Variants in ROCK1 observed in about 807,000 individuals in gnomAD.
ROCK1 encodes Rho associated coiled-coil containing protein kinase 1, also known as rho-associated protein kinase 1.
In ROCK1, 36 loss-of-function variants were observed where a neutral mutation model predicts 196.8. That is an observed-to-expected ratio of 0.18 (90% confidence interval 0.14 to 0.24). The LOEUF is 0.24. ROCK1 is among the 10% of genes least tolerant of loss of function. The probability of loss-of-function intolerance (pLI) is 1.00; values close to 1 mark genes in which losing one functional copy is unlikely to be tolerated. For missense variants in ROCK1, 920 were observed against 1,562.0 expected (o/e 0.59, Z 6.93); for synonymous variants, 443 against 515.9 (o/e 0.86, Z 1.91).
At position 21,006,893 on chromosome 18, in the gene ROCK1, C is replaced by T. The variant is rs1247338813; in HGVS notation, c.1547-103G>A. On this transcript the variant is annotated intron_variant, in intron 14 of 32. Coordinates refer to ENST00000399799, the MANE Select transcript of ROCK1 (RefSeq NM_005406.3). ...ACATTTAGTCTTAGGCCATAATAGTCAGCTACATTAGGTCCACTCCCAAAG... is the reference window on the plus strand; with the variant it reads ...ACATTTAGTCTTAGGCCATAATAGTTAGCTACATTAGGTCCACTCCCAAAG... The T allele has an allele frequency of 1.2e-4, 96 of 785,062 alleles. 2 individuals are homozygous for T. In the Admixed American group the frequency reaches 3.0e-3, roughly 24 times the overall value. The allele number at this position is 785,062 out of a possible 1,614,324, so 48.6% of individuals were successfully genotyped here.
chr18:21,069,185 T>G (rs1306949360), intron 2 of ROCK1, among the ~76,000 whole-genome samples: 3 of 152,128 alleles, frequency 2.0e-5, no homozygotes, highest in African/African-American at 7.2e-5. Flanking sequence ...ATATTAAATT[T>G]TATCAAATGC....
chr18:20,978,270 A>G (rs2035498644), intron 22 of ROCK1, among the ~76,000 whole-genome samples: 1 of 152,144 alleles, frequency 6.6e-6, no homozygotes, highest in Admixed American at 6.5e-5. Flanking sequence ...TAATGTATTA[A>G]GGATCTAACA....
At position 20,950,939 on chromosome 18, in the gene ROCK1, A is replaced by C. The variant is rs576414664; in HGVS notation, c.*445T>G. On this transcript the variant is annotated 3_prime_UTR_variant, in exon 33 of 33. Coordinates refer to ENST00000399799, the MANE Select transcript of ROCK1 (RefSeq NM_005406.3). ...CAAAAACTTAAGTCATTAAAAAAAA[A>C]ACAAAACTTCAGTTTGTCTCATTTT... The C allele has an allele frequency of 6.5e-6, 1 of 153,658 alleles. No individual in the cohort carries two copies. The highest frequency in any genetic ancestry group is 2.4e-5 in the African/African-American group (1 of 41,394). The allele number at this position is 153,658 out of a possible 1,614,324, so 9.5% of individuals were successfully genotyped here. A position where few individuals can be genotyped will look rare whatever the true frequency, so the allele number is the denominator to read the frequency against.
intron 13 of ROCK1, among the ~76,000 whole-genome samples, chr18:21,010,676 G>A (rs1392954177): frequency 6.6e-6 from 1 of 152,170 alleles, no homozygotes; most frequent in Non-Finnish European, 1.5e-5. Flanking sequence ...TGAAAAGAAG[G>A]CATATTGTGC....
intron 1 of ROCK1, among the ~76,000 whole-genome samples, chr18:21,092,580 TA>T (rs35799573): frequency 3.0e-3 from 244 of 81,106 alleles, no homozygotes; most frequent in Non-Finnish European, 3.9e-3. Flanking sequence ...ACCTCATCTT[TA>T]AAAAAAAAAA....
chr18:21,083,335 AT>A (rs563252131), intron 1 of ROCK1, among the ~76,000 whole-genome samples: 111 of 152,312 alleles, frequency 7.3e-4, no homozygotes, highest in African/African-American at 2.5e-3. Context: ...TCATCCTAAA[AT>A]TCAAATGTAA....
At chr18:21,008,816 G>T (rs2035790641) in intron 13 of ROCK1, among the ~76,000 whole-genome samples, 1 of 152,144 alleles carries the variant, frequency 6.6e-6, no homozygotes, top group African/African-American at 2.4e-5. Context: ...AAAGAAAGTT[G>T]CAAAGATAGT....
chr18:21,006,843 C>T (rs1408468743), intron 14 of ROCK1, 53 bp from the exon 15 acceptor site: 15 of 1,207,336 alleles, frequency 1.2e-5, no homozygotes, highest in Non-Finnish European at 1.6e-5. Flanking sequence ...ATAGGGGAAA[C>T]ATATAAATCC....
At chr18:20,980,890 T>C (rs1254256217) in intron 21 of ROCK1, among the ~76,000 whole-genome samples, 2 of 134,732 alleles carry the variant, frequency 1.5e-5, no homozygotes, top group Non-Finnish European at 1.5e-5. Flanking sequence ...CTCTCCAGCC[T>C]GGGCGACAGA....
chr18:21,046,498 C>G (rs145761620), intron 4 of ROCK1, among the ~76,000 whole-genome samples: 99 of 152,266 alleles, frequency 6.5e-4, no homozygotes, highest in African/African-American at 2.3e-3. Context: ...CTTAGTGCAA[C>G]AGATGCTCAA....
At chr18:21,084,651 C>G (rs899406409) in intron 1 of ROCK1, among the ~76,000 whole-genome samples, 5 of 152,074 alleles carry the variant, frequency 3.3e-5, no homozygotes, top group African/African-American at 9.7e-5. Flanking sequence ...AAACTGGAAC[C>G]CTTGGCAATG....
intron 2 of ROCK1, among the ~76,000 whole-genome samples, chr18:21,062,512 T>A (rs2036300314): frequency 6.6e-6 from 1 of 152,086 alleles, no homozygotes; most frequent in African/African-American, 2.4e-5. Flanking sequence ...AATAAATATA[T>A]GCAGTTTATA....
intron 1 of ROCK1, among the ~76,000 whole-genome samples, chr18:21,099,463 G>A (rs2036639941): frequency 6.6e-6 from 1 of 152,150 alleles, no homozygotes; most frequent in Non-Finnish European, 1.5e-5. Flanking sequence ...ACGTAAATGG[G>A]CCTGGCACAG....
intron 1 of ROCK1, among the ~76,000 whole-genome samples, chr18:21,092,678 C>A (rs2036581536): frequency 6.7e-6 from 1 of 149,360 alleles, no homozygotes; most frequent in African/African-American, 2.5e-5. Context: ...TTTTAAACCA[C>A]ATTTTTTAAA....
At chr18:21,053,205 C>G (rs2036218351) in intron 2 of ROCK1, among the ~76,000 whole-genome samples, 1 of 152,184 alleles carries the variant, frequency 6.6e-6, no homozygotes, top group Non-Finnish European at 1.5e-5. Flanking sequence ...TGCAATCACA[C>G]ACCATCAGTG....
intron 27 of ROCK1, among the ~76,000 whole-genome samples, chr18:20,961,439 G>A (rs2035325311): frequency 6.6e-6 from 1 of 152,086 alleles, no homozygotes; most frequent in South Asian, 2.1e-4. Flanking sequence ...ATGAATACAG[G>A]ATATTATATT....
chr18:21,045,949 C>T (rs1391197589), intron 4 of ROCK1, among the ~76,000 whole-genome samples: 5 of 116,018 alleles, frequency 4.3e-5, no homozygotes, highest in Non-Finnish European at 8.0e-5. Flanking sequence ...CTCGCTCTGT[C>T]GCCCAGGCTG....
chr18:21,029,039 G>T, intron 9 of ROCK1, 104 bp from the exon 10 acceptor site: 1 of 1,125,630 alleles, frequency 8.9e-7, no homozygotes, highest in Non-Finnish European at 1.3e-6. Flanking sequence ...ATAAAACCTT[G>T]CAAACCACAA....
At chr18:21,048,620 G>A (rs1490430219) in intron 4 of ROCK1, among the ~76,000 whole-genome samples, 1 of 152,010 alleles carries the variant, frequency 6.6e-6, no homozygotes, top group African/African-American at 2.4e-5. Flanking sequence ...TGTGAACACG[G>A]CTCACTATAG....
Sources: gnomAD v4.1 joint callset for allele counts (sites outside exome capture counted in the v4.1 genomes callset) on GRCh38, gnomAD v4.1.1 for gene constraint, MANE v1.5 for transcripts, NCBI Gene and HGNC (gene_info 2026-07-23, HGNC 2026-07-21) for gene names.